The following DPP6 variants were observed in gnomAD, a reference collection of about 807,000 sequenced individuals.
The protein encoded by DPP6 is A-type potassium channel modulatory protein DPP6.
DPP6 carries 69 observed loss-of-function variants against 122.6 expected under a neutral mutation model. That is an observed-to-expected ratio of 0.56 (90% CI 0.46 to 0.69). The LOEUF (loss-of-function observed/expected upper bound fraction) is 0.69. DPP6 is among the 30% of genes least tolerant of loss of function. The pLI, the probability that DPP6 is intolerant of heterozygous loss-of-function variation, is 0.00. For synonymous variants in DPP6, 418 were observed against 433.1 expected, an observed-to-expected ratio of 0.97 and a Z score of 0.43; for missense variants, 928 against 1,116.9, an observed-to-expected ratio of 0.83 and a Z score of 2.41.
intron 1 of DPP6, among the ~76,000 whole-genome samples, chr7:154,298,052 T>C (rs892306137): frequency 2.4e-4 from 36 of 152,162 alleles, no homozygotes; most frequent in Admixed American, 2.4e-3. Flanking sequence ...CAGGTCCCCC[T>C]CTACCATGTG....
chr7:154,840,424 C>T (rs2150548857), intron 16 of DPP6, among the ~76,000 whole-genome samples: 1 of 152,310 alleles, frequency 6.6e-6, no homozygotes, highest in South Asian at 2.1e-4. Flanking sequence ...CTCCTCACTA[C>T]AGTGACCTGT....
At chr7:154,571,666 A>G (rs1384618722) in intron 5 of DPP6, among the ~76,000 whole-genome samples, 1 of 152,198 alleles carries the variant, frequency 6.6e-6, no homozygotes, top group East Asian at 1.9e-4. Context: ...TTCTGGTCCA[A>G]ATGAAATTCT....
intron 3 of DPP6, among the ~76,000 whole-genome samples, chr7:154,507,973 T>C (rs1825787633): frequency 6.6e-6 from 1 of 152,168 alleles, no homozygotes; most frequent in Admixed American, 6.5e-5. Context: ...TCTCCCCCAT[T>C]CAACTTAATT....
At chr7:153,795,407 A>G in the DPP6 span, among the ~76,000 whole-genome samples, 1 of 152,164 alleles carries the variant, frequency 6.6e-6, no homozygotes, top group African/African-American at 2.4e-5. Flanking sequence ...GAGTGAGACT[A>G]TCTCAAAATA....
At chr7:154,160,154 G>A (rs947105548) in intron 1 of DPP6, among the ~76,000 whole-genome samples, 10 of 151,410 alleles carry the variant, frequency 6.6e-5, no homozygotes, top group African/African-American at 2.0e-4. Context: ...GACATAGAGC[G>A]GTTAATTGGC....
chr7:154,649,877 G>C (rs1258120589), intron 6 of DPP6, among the ~76,000 whole-genome samples: 1 of 152,210 alleles, frequency 6.6e-6, no homozygotes. Context: ...GTGGCCCTGG[G>C]CACTCACCTC....
the DPP6 span, among the ~76,000 whole-genome samples, chr7:153,849,183 G>A: frequency 6.6e-6 from 1 of 152,074 alleles, no homozygotes; most frequent in Non-Finnish European, 1.5e-5. Flanking sequence ...ATTAATGTTT[G>A]ACTTGATGTT....
chr7:154,508,632 C>A (rs920815073), intron 3 of DPP6, among the ~76,000 whole-genome samples: 3 of 152,142 alleles, frequency 2.0e-5, no homozygotes, highest in African/African-American at 7.2e-5. Context: ...AAATGTAGAA[C>A]CAGTGCATGT....
intron 1 of DPP6, among the ~76,000 whole-genome samples, chr7:154,144,635 T>G (rs1796002632): frequency 6.6e-6 from 1 of 150,890 alleles, no homozygotes; most frequent in Non-Finnish European, 1.5e-5. Context: ...CATCATACCT[T>G]TATGAAGTGA....
intron 1 of DPP6, among the ~76,000 whole-genome samples, chr7:154,157,929 A>G (rs1475016766): frequency 3.3e-5 from 5 of 149,676 alleles, no homozygotes; most frequent in Non-Finnish European, 7.4e-5. Context: ...GCACAACTCC[A>G]TCTCAAAAAA....
intron 1 of DPP6, among the ~76,000 whole-genome samples, chr7:154,173,376 G>A (rs1047408773): frequency 1.3e-5 from 2 of 152,170 alleles, no homozygotes; most frequent in Non-Finnish European, 2.9e-5. Flanking sequence ...AAACAGTTTC[G>A]TGTAAGCCCT....
the DPP6 span, among the ~76,000 whole-genome samples, chr7:153,768,779 T>C: frequency 6.6e-6 from 1 of 152,222 alleles, no homozygotes; most frequent in Non-Finnish European, 1.5e-5. Flanking sequence ...TTACCACCTA[T>C]GACTACTTTT....
At chr7:154,278,304 G>C (rs1804269931) in intron 1 of DPP6, among the ~76,000 whole-genome samples, 1 of 152,210 alleles carries the variant, frequency 6.6e-6, no homozygotes, top group East Asian at 1.9e-4. Context: ...CTGAGGAACA[G>C]TTTTCACACT....
chr7:154,673,186 A>G (rs1448270412), intron 7 of DPP6, among the ~76,000 whole-genome samples: 1 of 152,228 alleles, frequency 6.6e-6, no homozygotes, highest in Non-Finnish European at 1.5e-5. Context: ...AAAAGTAAAT[A>G]TTGCTCCCTA....
At chr7:154,367,198 G>A (rs972378314) in intron 1 of DPP6, among the ~76,000 whole-genome samples, 2 of 152,172 alleles carry the variant, frequency 1.3e-5, no homozygotes, top group African/African-American at 2.4e-5. Context: ...GGGGGCAGAT[G>A]TGGACAGAGA....
chr7:154,824,914 G>T (rs1431335049), intron 16 of DPP6, among the ~76,000 whole-genome samples: 1 of 152,200 alleles, frequency 6.6e-6, no homozygotes, highest in Non-Finnish European at 1.5e-5. Context: ...GAACCGTTGT[G>T]ACTCAGCTCT....
chr7:154,525,700 A>G (rs1015972895), intron 3 of DPP6, among the ~76,000 whole-genome samples: 2 of 151,784 alleles, frequency 1.3e-5, no homozygotes, highest in Admixed American at 1.3e-4. Flanking sequence ...CATCCCGTAC[A>G]TTGTAAATAT....
intron 1 of DPP6, among the ~76,000 whole-genome samples, chr7:154,377,734 A>G (rs1172897545): frequency 6.6e-6 from 1 of 152,180 alleles, no homozygotes; most frequent in Non-Finnish European, 1.5e-5. Context: ...GCCGTGTGAA[A>G]CGTGAGTTAA....
chr7:154,292,562 G>A (rs981829281), intron 1 of DPP6, among the ~76,000 whole-genome samples: 3 of 152,214 alleles, frequency 2.0e-5, no homozygotes, highest in Non-Finnish European at 2.9e-5. Flanking sequence ...AAATAAATAT[G>A]TCGAAAATGG....
Sources: allele counts gnomAD v4.1 joint callset (sites outside exome capture counted in the v4.1 genomes callset), GRCh38; gene constraint gnomAD v4.1.1; transcripts MANE v1.5; gene names NCBI Gene and HGNC (gene_info 2026-07-23, HGNC 2026-07-21).